Variants in MSRA observed in about 807,000 individuals in gnomAD.
MSRA encodes mitochondrial peptide methionine sulfoxide reductase.
Under a neutral mutation model 31.3 loss-of-function variants are expected in MSRA, and 54 were observed. The ratio of observed to expected loss-of-function variants is 1.73; its 90% confidence interval spans 1.39 to 2.17. The LOEUF (loss-of-function observed/expected upper bound fraction) is 2.17, where lower values mean the gene tolerates loss of function less well. MSRA is among the 30% of genes most tolerant of loss of function. The probability of loss-of-function intolerance (pLI) is 0.00; values close to 1 mark genes in which losing one functional copy is unlikely to be tolerated. For synonymous variants in MSRA, 169 were observed against 116.5 expected, an observed-to-expected ratio of 1.45 and a Z score of -2.90; for missense variants, 507 against 300.9, an observed-to-expected ratio of 1.69 and a Z score of -5.07.
At chr8:10,182,260 G>C (rs1393832782) in intron 1 of MSRA, among the ~76,000 whole-genome samples, 1 of 152,224 alleles carries the variant, frequency 6.6e-6, no homozygotes, top group Non-Finnish European at 1.5e-5. Context: ...TGCAAAGTGA[G>C]AGATGAAGGT....
intron 3 of MSRA, among the ~76,000 whole-genome samples, chr8:10,270,279 TC>T (rs767930631): frequency 2.6e-4 from 40 of 152,270 alleles, no homozygotes; most frequent in Non-Finnish European, 2.8e-4. Context: ...TATTTCTGTT[TC>T]AAGTTAATGC....
chr8:10,283,827 A>ATATG, intron 3 of MSRA, among the ~76,000 whole-genome samples: 1 of 86,024 alleles, frequency 1.2e-5, no homozygotes, highest in East Asian at 4.6e-4. Flanking sequence ...ATATATATAT[A>ATATG]TATATATATA....
chr8:10,075,806 G>T (rs1028732838), intron 1 of MSRA, among the ~76,000 whole-genome samples: 2 of 152,182 alleles, frequency 1.3e-5, no homozygotes, highest in Non-Finnish European at 2.9e-5. Context: ...GCTGCATTCT[G>T]TTAGCATCAT....
At chr8:10,294,326 C>A (rs1056332404) in intron 3 of MSRA, among the ~76,000 whole-genome samples, 2 of 152,196 alleles carry the variant, frequency 1.3e-5, no homozygotes, top group Admixed American at 6.5e-5. Flanking sequence ...AGCAACGCTG[C>A]CATGAAGAAA....
chr8:10,405,854 C>T (rs1807779278), intron 5 of MSRA, among the ~76,000 whole-genome samples: 1 of 152,262 alleles, frequency 6.6e-6, no homozygotes. Context: ...TGCTCACACA[C>T]CCATGTACTC....
intron 3 of MSRA, chr8:10,250,968 G>C (rs1045999455): frequency 6.5e-6 from 1 of 152,826 alleles, no homozygotes; most frequent in Non-Finnish European, 1.5e-5. Context: ...TCTTGGGCTC[G>C]TTAAAGATGA....
intron 3 of MSRA, among the ~76,000 whole-genome samples, chr8:10,246,643 A>T (rs759372841): frequency 8.5e-5 from 13 of 152,238 alleles, no homozygotes; most frequent in Non-Finnish European, 1.6e-4. Context: ...AATAGTGAGC[A>T]TGTTGATGTG....
chr8:10,187,023 G>T (rs952843938), intron 1 of MSRA, among the ~76,000 whole-genome samples: 2 of 152,106 alleles, frequency 1.3e-5, no homozygotes, highest in African/African-American at 4.8e-5. Context: ...TTCATGAAGT[G>T]TTTCTTTCAA....
rs975354815 is a variant in MSRA at position 10,115,526 on chromosome 8, C to G, written c.142+60868C>G. 7.2e-5 allele frequency among the ~76,000 whole-genome samples: 11 copies of G among 152,220 alleles called. No homozygotes were observed. The South Asian group carries it at 2.3e-3, about 32-fold the overall frequency. On this transcript the variant is annotated intron_variant, in intron 1 of 5. Transcript: ENST00000317173. Reference sequence around the variant, plus strand: ...ACTACGAGAAAATCAATTTCTGTGTCTAAGACCCAGATTTGTGGTAATTTG... The same window carrying G: ...ACTACGAGAAAATCAATTTCTGTGTGTAAGACCCAGATTTGTGGTAATTTG...
intron 3 of MSRA, among the ~76,000 whole-genome samples, chr8:10,285,503 A>G (rs533722337): frequency 6.6e-6 from 1 of 152,292 alleles, no homozygotes; most frequent in East Asian, 1.9e-4. Flanking sequence ...GGGAACCTTC[A>G]AAAGCTGCTC....
intron 3 of MSRA, among the ~76,000 whole-genome samples, chr8:10,265,196 G>A (rs1189364737): frequency 6.6e-6 from 1 of 152,190 alleles, no homozygotes. Flanking sequence ...AATATGCTCT[G>A]CAGCTGGCTG....
intron 1 of MSRA, among the ~76,000 whole-genome samples, chr8:10,199,876 C>A (rs762849270): frequency 4.6e-5 from 7 of 152,182 alleles, no homozygotes; most frequent in Non-Finnish European, 1.0e-4. Context: ...CCCCACAACA[C>A]TAACTCCTGG....
intron 5 of MSRA, among the ~76,000 whole-genome samples, chr8:10,422,151 G>A (rs936914300): frequency 6.6e-6 from 1 of 152,218 alleles, no homozygotes; most frequent in African/African-American, 2.4e-5. Context: ...GTATGGTGGT[G>A]TACGCACTTG....
intron 1 of MSRA, among the ~76,000 whole-genome samples, chr8:10,122,747 A>C (rs1265046900): frequency 1.3e-5 from 2 of 152,058 alleles, no homozygotes; most frequent in African/African-American, 4.8e-5. Context: ...CCATGTGTTC[A>C]CATCATTTAG....
chr8:10,364,444 T>C (rs1466932398), intron 5 of MSRA, among the ~76,000 whole-genome samples: 1 of 152,204 alleles, frequency 6.6e-6, no homozygotes, highest in Non-Finnish European at 1.5e-5. Flanking sequence ...ATCTTCCTGT[T>C]CACTTTCAGT....
intron 1 of MSRA, among the ~76,000 whole-genome samples, chr8:10,147,737 C>T (rs976549709): frequency 6.6e-6 from 1 of 152,138 alleles, no homozygotes; most frequent in East Asian, 1.9e-4. Flanking sequence ...GCAGGGAAGC[C>T]CATGCTGCCT....
chr8:10,139,428 A>G (rs1400672860), intron 1 of MSRA, among the ~76,000 whole-genome samples: 2 of 152,140 alleles, frequency 1.3e-5, no homozygotes, highest in African/African-American at 4.8e-5. Context: ...TGTTACATGG[A>G]TCTGTTGCGT....
chr8:10,317,172 C>T lies in MSRA; in HGVS notation c.437-2711C>T, dbSNP rs555188158. The stretch of plus-strand genomic sequence containing the variant: ...AAGATAGAGATAGCGATTTCAGACC[C>T]TGAGGCGTTGTTCCTGACTTGTCCT... On this transcript the variant is annotated intron_variant, in intron 4 of 5. Coordinates refer to ENST00000317173, the MANE Select transcript of MSRA (RefSeq NM_012331.5). Among the ~76,000 whole-genome samples the T allele has an allele frequency of 2.6e-5, 4 of 152,336 alleles. No individual in the cohort carries two copies. The South Asian group carries it at 6.2e-4, about 24-fold the overall frequency.
intron 3 of MSRA, chr8:10,250,981 A>G (rs757295528): frequency 6.5e-6 from 1 of 152,734 alleles, no homozygotes; most frequent in Admixed American, 6.5e-5. Context: ...AAAGATGAAC[A>G]TGATGGATCA....
Sources: allele counts gnomAD v4.1 joint callset (sites outside exome capture counted in the v4.1 genomes callset), GRCh38; gene constraint gnomAD v4.1.1; transcripts MANE v1.5; gene names NCBI Gene and HGNC (gene_info 2026-07-23, HGNC 2026-07-21).